C12orf54: variants seen among roughly 807,000 people sequenced by gnomAD.
C12orf54 encodes uncharacterized protein C12orf54.
A neutral mutation model predicts 26.4 loss-of-function variants in C12orf54; 24 were observed. The ratio of observed to expected loss-of-function variants is 0.91; its 90% CI spans 0.66 to 1.28. C12orf54 has a LOEUF of 1.28. Ranked by LOEUF, C12orf54 falls within the 50% of genes most tolerant of loss-of-function variation. The probability of loss-of-function intolerance (pLI) is 0.00; values close to 1 mark genes in which losing one functional copy is unlikely to be tolerated. For synonymous variants in C12orf54, 54 were observed against 47.0 expected (o/e 1.15, Z -0.61); for missense variants, 154 against 150.9 (o/e 1.02, Z -0.11).
chr12:48,488,025 G>C (rs2731095), intron 4 of C12orf54: 528,372 of 919,610 alleles, frequency 0.57, 170,773 homozygotes, highest in East Asian at 0.79. Flanking sequence ...GAAGGATGTC[G>C]ACATGCCTAA....
intron 5 of C12orf54, 105 bp downstream of exon 5, chr12:48,489,061 C>T: frequency 9.0e-7 from 1 of 1,105,644 alleles, no homozygotes; most frequent in South Asian, 1.2e-5. Context: ...AAGGTTTTAG[C>T]TTCATTTATT....
the C12orf54 span, among the ~76,000 whole-genome samples, chr12:48,430,793 CTGAG>C: frequency 6.6e-6 from 1 of 152,206 alleles, no homozygotes; most frequent in Non-Finnish European, 1.5e-5. Flanking sequence ...AATCTCACTA[CTGAG>C]TATCTACCCA....
the C12orf54 span, among the ~76,000 whole-genome samples, chr12:48,450,391 T>C: frequency 6.6e-6 from 1 of 151,952 alleles, no homozygotes. Context: ...TAAAAAGATC[T>C]CAAGTTAATA....
chr12:48,493,743 A>C (rs1191893762), intron 7 of C12orf54, among the ~76,000 whole-genome samples: 3 of 152,016 alleles, frequency 2.0e-5, no homozygotes, highest in Non-Finnish European at 2.9e-5. Flanking sequence ...AATATTGAGA[A>C]ATGTCACTTT....
the C12orf54 span, among the ~76,000 whole-genome samples, chr12:48,416,510 T>A: frequency 6.6e-6 from 1 of 152,162 alleles, no homozygotes; most frequent in African/African-American, 2.4e-5. Context: ...AAAGTCATGT[T>A]GAAATTTAAT....
chr12:48,476,960 A>T, the C12orf54 span, among the ~76,000 whole-genome samples: 1 of 152,174 alleles, frequency 6.6e-6, no homozygotes, highest in South Asian at 2.1e-4. Context: ...TCAGCACCAC[A>T]CCACACCTAT....
At chr12:48,436,394 C>A in the C12orf54 span, among the ~76,000 whole-genome samples, 1 of 152,142 alleles carries the variant, frequency 6.6e-6, no homozygotes, top group African/African-American at 2.4e-5. Flanking sequence ...GAACTCTGCT[C>A]TGCACCAAGC....
At chr12:48,449,620 C>T in the C12orf54 span, among the ~76,000 whole-genome samples, 2 of 152,052 alleles carry the variant, frequency 1.3e-5, no homozygotes, top group African/African-American at 4.8e-5. Flanking sequence ...TAAGAAAGTT[C>T]CTTACTATTT....
chr12:48,475,758 A>G, the C12orf54 span, among the ~76,000 whole-genome samples: 2 of 152,222 alleles, frequency 1.3e-5, no homozygotes, highest in African/African-American at 4.8e-5. Context: ...AAAAGACGAA[A>G]TCTACATCTG....
the C12orf54 span, among the ~76,000 whole-genome samples, chr12:48,429,642 A>G: frequency 6.6e-6 from 1 of 152,274 alleles, no homozygotes; most frequent in Middle Eastern, 3.4e-3. Context: ...AAAACTACAA[A>G]ACATTGCTGA....
At chr12:48,449,942 T>C in the C12orf54 span, among the ~76,000 whole-genome samples, 1 of 152,182 alleles carries the variant, frequency 6.6e-6, no homozygotes, top group Non-Finnish European at 1.5e-5. Flanking sequence ...GATGGGTTTA[T>C]CAAGGGCTTC....
At chr12:48,483,621 C>A in intron 2 of C12orf54, 1 of 364,970 alleles carries the variant, frequency 2.7e-6, no homozygotes, top group Non-Finnish European at 5.0e-6. Context: ...AAACTAGGGA[C>A]ATTAATTTAT....
At chr12:48,429,952 G>T in the C12orf54 span, among the ~76,000 whole-genome samples, 2 of 152,060 alleles carry the variant, frequency 1.3e-5, no homozygotes, top group South Asian at 4.2e-4. Context: ...GCATGGTACT[G>T]GTACAAAAAT....
chr12:48,478,484 T>C (rs1442270740), upstream of C12orf54, among the ~76,000 whole-genome samples: 6 of 152,194 alleles, frequency 3.9e-5, no homozygotes, highest in Non-Finnish European at 5.9e-5. Flanking sequence ...GACATGTTTG[T>C]ATATCTAGAA....
chr12:48,483,357 A>G lies in C12orf54; in HGVS notation c.61A>G (p.Arg21Gly). ...QKVEMTSKQQ[R>G]STSIEETMRP... ...GGTAGAAATGACCTCCAAGCAGCAGAGAAGGTAATGGGGCTAATGATGACC... is the reference window on the plus strand; with the variant it reads ...GGTAGAAATGACCTCCAAGCAGCAGGGAAGGTAATGGGGCTAATGATGACC... The change falls in exon 2 of 9, where the codon AGA (arginine) becomes GGA (glycine). Residue 21 changes from arginine to glycine, a missense_variant. By Grantham distance (125) the Arg-to-Gly change is moderately radical (BLOSUM62 -2). Coordinates refer to ENST00000548364, the MANE Select transcript of C12orf54 (RefSeq NM_152319.4). 2.5e-6 allele frequency: 4 copies of G among 1,613,786 alleles called. No individual in the cohort carries two copies. The highest frequency in any genetic ancestry group is 3.4e-6 in the Non-Finnish European group (4 of 1,179,796).
the C12orf54 span, among the ~76,000 whole-genome samples, chr12:48,447,606 A>G: frequency 6.6e-6 from 1 of 152,108 alleles, no homozygotes; most frequent in Admixed American, 6.6e-5. Context: ...ATTCCTCCCT[A>G]TCCATACATA....
the C12orf54 span, among the ~76,000 whole-genome samples, chr12:48,445,936 C>T: frequency 9.9e-5 from 15 of 152,222 alleles, no homozygotes; most frequent in African/African-American, 3.6e-4. Flanking sequence ...TTAAATACCT[C>T]TTAAATACCA....
At chr12:48,457,875 T>C in the C12orf54 span, among the ~76,000 whole-genome samples, 1 of 152,156 alleles carries the variant, frequency 6.6e-6, no homozygotes, top group Non-Finnish European at 1.5e-5. Context: ...GGGAGTGATG[T>C]TCTGCCTGGC....
At chr12:48,441,568 G>A in the C12orf54 span, among the ~76,000 whole-genome samples, 2 of 152,166 alleles carry the variant, frequency 1.3e-5, no homozygotes, top group African/African-American at 2.4e-5. Context: ...ACAGGGGTTG[G>A]GGGTGGGGAG....
Sources: gnomAD v4.1 joint callset for allele counts (sites outside exome capture counted in the v4.1 genomes callset) on GRCh38, gnomAD v4.1.1 for gene constraint, MANE v1.5 for transcripts, NCBI Gene and HGNC (gene_info 2026-07-23, HGNC 2026-07-21) for gene names.